Variants in SLC9A9 observed in about 807,000 individuals in gnomAD.
SLC9A9 encodes solute carrier family 9 member A9.
SLC9A9 carries 62 observed loss-of-function variants against 77.8 expected under a neutral mutation model. That is an observed-to-expected ratio of 0.80 (90% CI 0.65 to 0.98). The LOEUF (loss-of-function observed/expected upper bound fraction) is 0.98. SLC9A9 is among the 50% of genes least tolerant of loss of function. SLC9A9 has a pLI of 0.00. For missense variants in SLC9A9, 775 were observed against 774.9 expected, an observed-to-expected ratio of 1.00 and a Z score of 0.00; for synonymous variants, 320 against 283.5, an observed-to-expected ratio of 1.13 and a Z score of -1.29.
chr3:143,521,359 T>G (rs898139073), intron 9 of SLC9A9, among the ~76,000 whole-genome samples: 13 of 152,276 alleles, frequency 8.5e-5, no homozygotes, highest in African/African-American at 3.1e-4. Flanking sequence ...TGTTATACTT[T>G]GTGATCTGGA....
At chr3:143,527,115 A>T (rs2036420543) in intron 9 of SLC9A9, among the ~76,000 whole-genome samples, 1 of 152,224 alleles carries the variant, frequency 6.6e-6, no homozygotes, top group Admixed American at 6.5e-5. Flanking sequence ...GCCTATAGAG[A>T]ATAGTGATGA....
At chr3:143,835,660 A>G (rs1161190445) in intron 1 of SLC9A9, among the ~76,000 whole-genome samples, 1 of 152,250 alleles carries the variant, frequency 6.6e-6, no homozygotes, top group Non-Finnish European at 1.5e-5. Context: ...TTTTTATACC[A>G]TTCAAAGATA....
chr3:143,576,257 A>C (rs1467697423), intron 7 of SLC9A9, among the ~76,000 whole-genome samples: 1 of 152,228 alleles, frequency 6.6e-6, no homozygotes, highest in African/African-American at 2.4e-5. Context: ...TGGGATAGTA[A>C]CAGTATCTAC....
At chr3:143,494,897 C>T (rs1313808984) in intron 10 of SLC9A9, among the ~76,000 whole-genome samples, 1 of 152,122 alleles carries the variant, frequency 6.6e-6, no homozygotes, top group African/African-American at 2.4e-5. Context: ...TTTTTGAAGT[C>T]CGTATTGGAA....
At chr3:143,608,139 A>C (rs1297181288) in intron 6 of SLC9A9, among the ~76,000 whole-genome samples, 1 of 152,234 alleles carries the variant, frequency 6.6e-6, no homozygotes, top group African/African-American at 2.4e-5. Flanking sequence ...AAGAATAGCA[A>C]AAGCAAGTTG....
chr3:143,783,414 A>T (rs2007946342), intron 4 of SLC9A9, among the ~76,000 whole-genome samples: 1 of 152,102 alleles, frequency 6.6e-6, no homozygotes, highest in Admixed American at 6.5e-5. Context: ...AATAAACTTA[A>T]GGTCTCAGAT....
At chr3:143,645,552 G>A (rs1039897723) in intron 6 of SLC9A9, among the ~76,000 whole-genome samples, 1 of 152,102 alleles carries the variant, frequency 6.6e-6, no homozygotes, top group South Asian at 2.1e-4. Context: ...ATAGTTCAAG[G>A]TTCCCCTCAG....
intron 11 of SLC9A9, among the ~76,000 whole-genome samples, chr3:143,487,636 T>A (rs1419508642): frequency 6.6e-6 from 1 of 151,844 alleles, no homozygotes; most frequent in South Asian, 2.1e-4. Flanking sequence ...AATAACATAC[T>A]TTTAAATAAT....
intron 6 of SLC9A9, chr3:143,626,830 C>T (rs945829238): frequency 6.6e-6 from 1 of 151,230 alleles, no homozygotes; most frequent in African/African-American, 2.4e-5. Context: ...GACAGATAGA[C>T]AACCGGGCAG....
At chr3:143,273,872 C>T (rs1559847746) in intron 14 of SLC9A9, among the ~76,000 whole-genome samples, 1 of 152,188 alleles carries the variant, frequency 6.6e-6, no homozygotes, top group African/African-American at 2.4e-5. Flanking sequence ...GTATTGCCCT[C>T]CCATATGAGA....
intron 12 of SLC9A9, among the ~76,000 whole-genome samples, chr3:143,394,074 A>G (rs1038829631): frequency 6.6e-6 from 1 of 152,220 alleles, no homozygotes; most frequent in African/African-American, 2.4e-5. Context: ...CAATAGAAAA[A>G]GAGGGAATCC....
intron 4 of SLC9A9, among the ~76,000 whole-genome samples, chr3:143,756,164 T>C (rs1303478292): frequency 6.6e-6 from 1 of 152,142 alleles, no homozygotes; most frequent in Non-Finnish European, 1.5e-5. Flanking sequence ...ATCCATAGAC[T>C]GTCTCATACA....
intron 2 of SLC9A9, among the ~76,000 whole-genome samples, chr3:143,824,270 T>TA (rs2009244260): frequency 6.6e-6 from 1 of 151,380 alleles, no homozygotes; most frequent in Admixed American, 6.6e-5. Flanking sequence ...TATTCATGAA[T>TA]AAAATGGCAA....
chr3:143,492,304 A>G (rs2035762730), intron 11 of SLC9A9, among the ~76,000 whole-genome samples: 1 of 151,902 alleles, frequency 6.6e-6, no homozygotes, highest in South Asian at 2.1e-4. Context: ...AAAAAAAAAA[A>G]AAAAAAAATC....
intron 4 of SLC9A9, among the ~76,000 whole-genome samples, chr3:143,743,579 G>T (rs1935136007): frequency 1.3e-5 from 2 of 152,184 alleles, no homozygotes; most frequent in Admixed American, 1.3e-4. Flanking sequence ...TTTTGTTTTG[G>T]TTTTTGGTTT....
intron 9 of SLC9A9, among the ~76,000 whole-genome samples, chr3:143,510,393 A>G (rs186813207): frequency 8.3e-4 from 126 of 152,306 alleles, no homozygotes; most frequent in African/African-American, 2.7e-3. Context: ...TATATAATTT[A>G]TAAGTGAAAA....
At chr3:143,672,836 A>G (rs2039180345) in intron 5 of SLC9A9, among the ~76,000 whole-genome samples, 1 of 152,240 alleles carries the variant, frequency 6.6e-6, no homozygotes, top group African/African-American at 2.4e-5. Flanking sequence ...ACCTTTAAAA[A>G]ATATGCTGTG....
At chr3:143,748,639 T>C (rs1935256873) in intron 4 of SLC9A9, among the ~76,000 whole-genome samples, 1 of 151,740 alleles carries the variant, frequency 6.6e-6, no homozygotes, top group Non-Finnish European at 1.5e-5. Context: ...GAATGTCATC[T>C]CTTCTTTCTT....
At chr3:143,533,981 C>A (rs183361510) in intron 9 of SLC9A9, among the ~76,000 whole-genome samples, 166 of 152,236 alleles carry the variant, frequency 1.1e-3, no homozygotes, top group African/African-American at 3.8e-3. Context: ...AAAGCTATGG[C>A]AAATGCTTTT....
Sources: allele counts gnomAD v4.1 joint callset (sites outside exome capture counted in the v4.1 genomes callset), GRCh38; gene constraint gnomAD v4.1.1; transcripts MANE v1.5; gene names NCBI Gene and HGNC (gene_info 2026-07-23, HGNC 2026-07-21).